Variants in LRRC8D observed in about 807,000 individuals in gnomAD.
LRRC8D encodes leucine rich repeat containing 8 VRAC subunit D.
A neutral mutation model predicts 55.8 loss-of-function variants in LRRC8D; 20 were observed. That is an observed-to-expected ratio of 0.36 (90% CI 0.25 to 0.52). The LOEUF (loss-of-function observed/expected upper bound fraction) is 0.52. Ranked by LOEUF, LRRC8D falls within the 20% of genes least tolerant of loss-of-function variation. The pLI is 0.93. For missense variants in LRRC8D, 651 were observed against 1,030.8 expected, an observed-to-expected ratio of 0.63 and a Z score of 5.05; for synonymous variants, 352 against 377.0, an observed-to-expected ratio of 0.93 and a Z score of 0.77.
intron 2 of LRRC8D, among the ~76,000 whole-genome samples, chr1:89,921,638 A>G (rs1169749187): frequency 6.6e-6 from 1 of 152,104 alleles, no homozygotes; most frequent in Non-Finnish European, 1.5e-5. Context: ...TCCGCCTCCC[A>G]ACTTCAAGCA....
In LRRC8D at chr1:89,843,627, T is replaced by TCA; in HGVS notation, c.-147-11_-147-10insCA. ...TCTCTAGCTCTTTCTCTCCCCTGTG[T>TCA]TTTCAAACAGGAAGTGCACGGCTGT... On this transcript the variant is annotated splice_polypyrimidine_tract_variant and intron_variant, in intron 1 of 2. Transcript: ENST00000337338. The TCA allele has an allele frequency of 1.4e-6, 1 of 702,272 alleles. No homozygotes were observed. Among genetic ancestry groups the TCA allele is most frequent in the Admixed American group, 2.0e-5 (1 of 49,986 alleles). 43.5% of individuals were successfully genotyped at this position (702,272 alleles called of 1,614,324 possible).
chr1:89,922,078 G>A (rs1663436041), intron 2 of LRRC8D, among the ~76,000 whole-genome samples: 1 of 151,342 alleles, frequency 6.6e-6, no homozygotes, highest in Admixed American at 6.6e-5. Context: ...TTTTTTTTTG[G>A]GGGAGATGGA....
Position 89,935,293 on chromosome 1 carries a change from C to T in LRRC8D, c.2225C>T (p.Ser742Leu), listed in dbSNP as rs1167483555. Residue 742 changes from serine (S) to leucine (L), a missense_variant, in exon 3 of 3, where the codon TCA (serine) becomes TTA (leucine). Ser to Leu is a moderately radical substitution (Grantham distance 145). Around this residue, in one of 5 missense-constraint regions of LRRC8D, gnomAD observed 338 missense variants for 479.4 expected, o/e 0.71. Coordinates refer to ENST00000337338, the MANE Select transcript of LRRC8D (RefSeq NM_001134479.2). The part of the protein sequence containing the change: ...RCLDVSYNNI[S>L]MIPIEIGLLQ... The stretch of plus-strand genomic sequence containing the variant: ...TTAGATGTGAGCTACAACAACATTT[C>T]AATGATTCCAATAGAAATAGGATTG... 2 of 1,614,186 alleles carry T rather than the reference C, an allele frequency of 1.2e-6. No individual in the cohort carries two copies. The highest frequency in any genetic ancestry group is 1.7e-6 in the Non-Finnish European group (2 of 1,180,002).
chr1:89,842,582 C>T lies in LRRC8D; in HGVS notation c.-147-1056C>T, dbSNP rs769155766. On this transcript the variant is annotated intron_variant, in intron 1 of 2. Coordinates refer to ENST00000337338, the MANE Select transcript of LRRC8D (RefSeq NM_001134479.2). ...AGTATGGAACCATGAATGCCAACAGCTTGATAATAAAAGGAGCCGTTTGTC... is the reference window on the plus strand; with the variant it reads ...AGTATGGAACCATGAATGCCAACAGTTTGATAATAAAAGGAGCCGTTTGTC... Among the ~76,000 whole-genome samples, 20 of 152,298 alleles carry T rather than the reference C, an allele frequency of 1.3e-4. 1 individual carries two copies. The highest frequency in any genetic ancestry group is 4.1e-4 in the South Asian group (2 of 4,828).
At chr1:89,827,978 T>A (rs1453482159) in intron 1 of LRRC8D, among the ~76,000 whole-genome samples, 1 of 152,234 alleles carries the variant, frequency 6.6e-6, no homozygotes, top group Admixed American at 6.5e-5. Flanking sequence ...CCCTTCCCCA[T>A]GCCTATTGAA....
chr1:89,842,991 T>G (rs1661173353), intron 1 of LRRC8D: 2 of 152,374 alleles, frequency 1.3e-5, no homozygotes, highest in East Asian at 1.9e-4. Context: ...AGTTTTGTTG[T>G]TGTTACTGTT....
intron 1 of LRRC8D, among the ~76,000 whole-genome samples, chr1:89,826,357 C>T (rs974910536): frequency 1.3e-5 from 2 of 151,948 alleles, no homozygotes; most frequent in East Asian, 1.9e-4. Context: ...CTCCGCCTCC[C>T]GGGTTCACGC....
chr1:89,844,114 G>A (rs1017228054), intron 2 of LRRC8D, among the ~76,000 whole-genome samples: 24 of 152,320 alleles, frequency 1.6e-4, no homozygotes, highest in Admixed American at 6.5e-4. Flanking sequence ...CTCTCCTCCA[G>A]CTGCTGCTGC....
intron 1 of LRRC8D, among the ~76,000 whole-genome samples, chr1:89,835,668 A>T (rs1660989555): frequency 6.6e-6 from 1 of 152,174 alleles, no homozygotes; most frequent in African/African-American, 2.4e-5. Context: ...TAGCCATGGG[A>T]ACATGGGAAA....
At chr1:89,880,084 T>G (rs1316700191) in intron 2 of LRRC8D, among the ~76,000 whole-genome samples, 2 of 151,790 alleles carry the variant, frequency 1.3e-5, no homozygotes, top group East Asian at 1.9e-4. Flanking sequence ...CTATGTGCTT[T>G]GCATGTCTCT....
chr1:89,905,878 C>T (rs79763563), intron 2 of LRRC8D, among the ~76,000 whole-genome samples: 37 of 152,196 alleles, frequency 2.4e-4, no homozygotes, highest in African/African-American at 7.9e-4. Flanking sequence ...TCTCTCTTGG[C>T]GATGTAACAT....
intron 2 of LRRC8D, among the ~76,000 whole-genome samples, chr1:89,926,533 A>G (rs1663569879): frequency 6.6e-6 from 1 of 152,248 alleles, no homozygotes; most frequent in African/African-American, 2.4e-5. Flanking sequence ...GACAACAGTG[A>G]GGAGTTGCCT....
rs137951263 is a variant in LRRC8D, at chr1:89,877,703, C to T, written c.-3+33921C>T. ...CCACGCAGGTTTGTTACAGTTAACA[C>T]GGTTGGGTCCAGCACGTGACATACA... On this transcript the variant is annotated intron_variant, in intron 2 of 2. Coordinates refer to ENST00000337338, the MANE Select transcript of LRRC8D (RefSeq NM_001134479.2). Among the ~76,000 whole-genome samples, 408 of 152,284 alleles carry T rather than the reference C, an allele frequency of 2.7e-3. 3 individuals carry two copies. The highest frequency in any genetic ancestry group is 9.6e-3 in the African/African-American group (399 of 41,570).
At chr1:89,847,279 T>C (rs1050969012) in intron 2 of LRRC8D, among the ~76,000 whole-genome samples, 5 of 152,242 alleles carry the variant, frequency 3.3e-5, no homozygotes, top group African/African-American at 7.2e-5. Flanking sequence ...ATTTGTCTTC[T>C]CTTCAATAAT....
At chr1:89,845,466 T>G (rs1661252703) in intron 2 of LRRC8D, among the ~76,000 whole-genome samples, 1 of 152,204 alleles carries the variant, frequency 6.6e-6, no homozygotes, top group Admixed American at 6.5e-5. Flanking sequence ...AGACGGTTTT[T>G]CATTCTGTCA....
chr1:89,856,894 TTTAAG>T (rs1452152232), intron 2 of LRRC8D, among the ~76,000 whole-genome samples: 8 of 152,184 alleles, frequency 5.3e-5, no homozygotes, highest in African/African-American at 1.9e-4. Context: ...CTACTGTGGT[TTTAAG>T]TTAACATTTC....
At chr1:89,834,582 A>C (rs1660962418) in intron 1 of LRRC8D, among the ~76,000 whole-genome samples, 1 of 152,256 alleles carries the variant, frequency 6.6e-6, no homozygotes, top group African/African-American at 2.4e-5. Flanking sequence ...CCTGCTTTGA[A>C]GATAAGACCT....
At chr1:89,860,801 T>A (rs1389282624) in intron 2 of LRRC8D, among the ~76,000 whole-genome samples, 9 of 111,494 alleles carry the variant, frequency 8.1e-5, no homozygotes, top group South Asian at 3.0e-4. Flanking sequence ...TATATATATA[T>A]ATATATATAC....
intron 2 of LRRC8D, among the ~76,000 whole-genome samples, chr1:89,860,523 G>C (rs1292591825): frequency 6.6e-6 from 1 of 151,652 alleles, no homozygotes; most frequent in Non-Finnish European, 1.5e-5. Context: ...ACTTTGTGAG[G>C]CCAGGGCGGG....
Sources: allele counts gnomAD v4.1 joint callset (sites outside exome capture counted in the v4.1 genomes callset), GRCh38; gene constraint gnomAD v4.1.1; regional missense constraint gnomAD v4.1.1; transcripts MANE v1.5; gene names NCBI Gene and HGNC (gene_info 2026-07-23, HGNC 2026-07-21).